Variants in CLCN4 observed in about 807,000 individuals in gnomAD.
CLCN4 encodes H(+)/Cl(-) exchange transporter 4.
In CLCN4, 1 loss-of-function variant was observed where a neutral mutation model predicts 41.7. That is an observed-to-expected ratio of 0.02 (90% confidence interval 0.01 to 0.11). The LOEUF (loss-of-function observed/expected upper bound fraction) is 0.11, where lower values mean the gene tolerates loss of function less well. CLCN4 is among the 10% of genes least tolerant of loss of function. CLCN4 has a pLI of 1.00. For synonymous variants in CLCN4, 277 were observed against 285.8 expected (o/e 0.97, Z 0.31); for missense variants, 287 against 661.0 (o/e 0.43, Z 6.20).
intron 2 of CLCN4, among the ~76,000 whole-genome samples, chrX:10,179,822 T>A (rs1923628778): frequency 8.9e-6 from 1 of 112,611 alleles, no homozygotes; most frequent in Non-Finnish European, 1.9e-5. Context: ...CACAGCACCC[T>A]GAGGCAGGTA....
At position 10,224,293 on chromosome X, in the gene CLCN4, C is replaced by CGTGTGTGTGTGTGT. The variant is rs772983564; in HGVS notation, c.2192+3443_2192+3456dup. Reference sequence around the variant, plus strand: ...AGGATTTATAGATATGGGAGGGTTCCGTGTGTGTGTGTGTGTGTGTGTGTG... The same window carrying CGTGTGTGTGTGTGT: ...AGGATTTATAGATATGGGAGGGTTCCGTGTGTGTGTGTGTGTGTGTGTGTGTGTGTGTGTGTGTG... On this transcript the variant is annotated intron_variant, in intron 12 of 12. Coordinates refer to ENST00000380833, the MANE Select transcript of CLCN4 (RefSeq NM_001830.4). Among the ~76,000 whole-genome samples the CGTGTGTGTGTGTGT allele has an allele frequency of 3.4e-3, 299 of 87,901 alleles. 9 individuals carry two copies. The highest frequency in any genetic ancestry group is 0.012 in the African/African-American group (277 of 23,272). The allele number at this position is 87,901 out of a possible 115,157, so 76.3% of individuals were successfully genotyped here. A position where few individuals can be genotyped will look rare whatever the true frequency, so the allele number is the denominator to read the frequency against.
intron 12 of CLCN4, among the ~76,000 whole-genome samples, chrX:10,223,185 A>C (rs990039095): frequency 8.9e-6 from 1 of 112,135 alleles, no homozygotes; most frequent in Non-Finnish European, 1.9e-5. Context: ...CGATTTATGC[A>C]CTTGAGTTTC....
In CLCN4 at chrX:10,204,613, C is replaced by CTTTTTTTTTT. The variant is rs61453535; in HGVS notation, c.556-1718_556-1709dup. 5.3e-3 allele frequency among the ~76,000 whole-genome samples: 144 copies of CTTTTTTTTTT among 27,345 alleles called. 52 individuals carry two copies. Among genetic ancestry groups the CTTTTTTTTTT allele is most frequent in the Non-Finnish European group, 0.01 (112 of 10,921 alleles). 23.7% of individuals were successfully genotyped at this position (27,345 alleles called of 115,157 possible). ...CTATTCTCACCAGAAAGCTAGTAGT[C>CTTTTTTTTTT]TTTTTTTTTTTTTTTTTTTTTTTTT... On this transcript the variant is annotated intron_variant, in intron 6 of 12. Coordinates refer to ENST00000380833, the MANE Select transcript of CLCN4 (RefSeq NM_001830.4).
chrX:10,172,265 G>A (rs963746374), intron 2 of CLCN4, among the ~76,000 whole-genome samples: 2 of 112,185 alleles, frequency 1.8e-5, no homozygotes, highest in African/African-American at 6.5e-5. Context: ...TCGGGAGTCA[G>A]TTCTTGAGAG....
chrX:10,229,640 C>T (rs867211194), intron 12 of CLCN4, among the ~76,000 whole-genome samples: 21 of 107,967 alleles, frequency 1.9e-4, no homozygotes, highest in African/African-American at 5.1e-4. Context: ...TGAGAACATG[C>T]GGTGTTTGTT....
intron 2 of CLCN4, among the ~76,000 whole-genome samples, chrX:10,176,615 C>T (rs776427490): frequency 2.7e-5 from 3 of 112,036 alleles, no homozygotes; most frequent in Non-Finnish European, 3.8e-5. Context: ...CTACCCTGCC[C>T]ACGCTGGCAG....
chrX:10,167,121 G>A (rs58140804), intron 2 of CLCN4, among the ~76,000 whole-genome samples: 2,252 of 112,307 alleles, frequency 0.02, 41 homozygotes, highest in Middle Eastern at 0.055. Context: ...TTTTGAAACA[G>A]GCACAGTTTC....
chrX:10,236,341 G>T lies in CLCN4; in HGVS notation c.*2757G>T, dbSNP rs1039480993. Reference sequence around the variant, plus strand: ...AAACAGTTGGAAGAGTTACTTGACTGAAACAACCCAATCTTACTTTCTTTC... The same window carrying T: ...AAACAGTTGGAAGAGTTACTTGACTTAAACAACCCAATCTTACTTTCTTTC... On this transcript the variant is annotated 3_prime_UTR_variant, in exon 13 of 13. Coordinates refer to ENST00000380833, the MANE Select transcript of CLCN4 (RefSeq NM_001830.4). 1 of 112,034 alleles carries T rather than the reference G, an allele frequency of 8.9e-6. No homozygotes were observed. Among genetic ancestry groups the T allele is most frequent in the Non-Finnish European group, 1.9e-5 (1 of 53,148 alleles). The allele number at this position is 112,034 out of a possible 1,213,427, so 9.2% of individuals were successfully genotyped here.
chrX:10,222,350 C>A (rs1328328774), intron 12 of CLCN4, among the ~76,000 whole-genome samples: 2 of 111,671 alleles, frequency 1.8e-5, no homozygotes, highest in East Asian at 2.8e-4. Context: ...CATTTTATTC[C>A]TTTATGGGCT....
At chrX:10,203,526 G>A (rs1394192057) in intron 6 of CLCN4, among the ~76,000 whole-genome samples, 5 of 111,677 alleles carry the variant, frequency 4.5e-5, no homozygotes, top group East Asian at 2.8e-4. Context: ...TCCCCAAATC[G>A]CCCAAGGTGA....
intron 4 of CLCN4, among the ~76,000 whole-genome samples, chrX:10,191,939 A>G (rs1923978341): frequency 9.0e-6 from 1 of 110,773 alleles, no homozygotes; most frequent in Non-Finnish European, 1.9e-5. Flanking sequence ...GCACTGCTGT[A>G]TTCCCAAGAC....
At chrX:10,193,016 G>T (rs1374312070) in intron 4 of CLCN4, among the ~76,000 whole-genome samples, 1 of 112,077 alleles carries the variant, frequency 8.9e-6, no homozygotes, top group East Asian at 2.8e-4. Context: ...GGTGTCGGAT[G>T]GTGGTGGACT....
At chrX:10,189,813 G>A (rs1358337514) in intron 4 of CLCN4, among the ~76,000 whole-genome samples, 1 of 112,210 alleles carries the variant, frequency 8.9e-6, no homozygotes, top group Non-Finnish European at 1.9e-5. Context: ...GTTGGACCAC[G>A]AAAGAAAGCT....
chrX:10,229,568 C>T (rs1326702057), intron 12 of CLCN4, among the ~76,000 whole-genome samples: 5 of 106,573 alleles, frequency 4.7e-5, no homozygotes, highest in East Asian at 2.9e-4. Flanking sequence ...CTACAGGCCC[C>T]GGTGTGTGAT....
At position 10,222,128 on chromosome X, in the gene CLCN4, C is replaced by T. The variant is rs181640627; in HGVS notation, c.2192+1251C>T. 9.5e-3 allele frequency among the ~76,000 whole-genome samples: 1,073 copies of T among 112,910 alleles called. 6 individuals are homozygous for T. Among genetic ancestry groups the T allele is most frequent in the Middle Eastern group, 0.055 (12 of 218 alleles). Reference sequence around the variant, plus strand: ...ATGGAGAGATTTGATGGCCCCATGGCATTGTCCCTGCTGCCACTTTTGTTT... The same window carrying T: ...ATGGAGAGATTTGATGGCCCCATGGTATTGTCCCTGCTGCCACTTTTGTTT... On this transcript the variant is annotated intron_variant, in intron 12 of 12. Coordinates refer to ENST00000380833, the MANE Select transcript of CLCN4 (RefSeq NM_001830.4).
At chrX:10,162,019 T>C (rs1416425776) in intron 2 of CLCN4, among the ~76,000 whole-genome samples, 1 of 95,067 alleles carries the variant, frequency 1.1e-5, no homozygotes, top group African/African-American at 3.9e-5. Context: ...GAGTCTTTTT[T>C]TTTTTTTTTT....
chrX:10,205,816 T>C (rs947727668), intron 6 of CLCN4, among the ~76,000 whole-genome samples: 1 of 108,714 alleles, frequency 9.2e-6, no homozygotes, highest in Admixed American at 9.9e-5. Context: ...ATGGGGTCTC[T>C]CTATGTTGCC....
rs1291153033 is a variant in CLCN4, at chrX:10,177,218, T to C, written c.-11-7804T>C. The stretch of plus-strand genomic sequence containing the variant: ...TTTTATTGAAACACAGCACCAGGCA[T>C]TGATGTGTCTATGGTCTCTGGCTGC... On this transcript the variant is annotated intron_variant, in intron 2 of 12. Coordinates refer to ENST00000380833, the MANE Select transcript of CLCN4 (RefSeq NM_001830.4). Among the ~76,000 whole-genome samples the C allele has an allele frequency of 2.7e-5, 3 of 112,675 alleles. No individual in the cohort carries two copies. In the East Asian group the frequency reaches 8.2e-4, roughly 31 times the overall value.
rs148795824 is a variant in CLCN4 at position 10,159,155 on chromosome X, T to A, written c.-12+604T>A. Among the ~76,000 whole-genome samples, 531 of 111,981 alleles carry A rather than the reference T, an allele frequency of 4.7e-3. 1 individual carries two copies. The highest frequency in any genetic ancestry group is 0.016 in the African/African-American group (508 of 30,792). ...GTATTTTTTTTTTCCTTCCAGGTGT[T>A]TTAAGTAGATTAAAAAAGAACGGTA... On this transcript the variant is annotated intron_variant, in intron 2 of 12. Transcript: ENST00000380833.
Sources: allele counts gnomAD v4.1 joint callset (sites outside exome capture counted in the v4.1 genomes callset), GRCh38; gene constraint gnomAD v4.1.1; transcripts MANE v1.5; gene names NCBI Gene and HGNC (gene_info 2026-07-23, HGNC 2026-07-21).